Variants in C5orf15 observed in about 807,000 individuals in gnomAD.
C5orf15 encodes the protein keratinocyte-associated transmembrane protein 2.
In C5orf15, 10 loss-of-function variants were observed where a neutral mutation model predicts 17.8. That is an observed-to-expected ratio of 0.56 (90% CI 0.35 to 0.95). The LOEUF is 0.95. C5orf15 is among the 40% of genes least tolerant of loss of function. The pLI is 0.02. For synonymous variants in C5orf15, 124 were observed against 131.0 expected (o/e 0.95, Z 0.36); for missense variants, 319 against 331.7 (o/e 0.96, Z 0.30).
chr5:133,957,383 G>A (rs1389497101), intron 2 of C5orf15, among the ~76,000 whole-genome samples: 1 of 150,464 alleles, frequency 6.6e-6, no homozygotes, highest in East Asian at 1.9e-4. Flanking sequence ...AAAAACAAAA[G>A]CTATTTTGCT....
intron 1 of C5orf15, among the ~76,000 whole-genome samples, chr5:133,965,335 C>T (rs1230548800): frequency 6.6e-6 from 1 of 152,132 alleles, no homozygotes; most frequent in African/African-American, 2.4e-5. Flanking sequence ...ATACCTAGCA[C>T]CAAGTAGGAG....
intron 1 of C5orf15, among the ~76,000 whole-genome samples, chr5:133,966,777 C>A (rs138693591): frequency 2.6e-5 from 4 of 152,316 alleles, no homozygotes; most frequent in African/African-American, 9.6e-5. Context: ...TGCAGTGGAG[C>A]TGCTCGCCTA....
chr5:133,956,888 A>G lies in C5orf15; in HGVS notation c.769T>C (p.Leu257=). ...DQNVNEAMPS[L]KITNDYIF ...AAAATATAATCATTGGTAATCTTCA[A>G]AGAAGGCATTGCCTCATTAACATTC... The change falls in exon 3 of 3, where the codon TTG becomes CTG. Residue 257 remains leucine, a synonymous_variant. Coordinates refer to ENST00000231512, the MANE Select transcript of C5orf15 (RefSeq NM_020199.3). 2 of 1,599,642 alleles carry G rather than the reference A, an allele frequency of 1.3e-6. No homozygotes were observed. The highest frequency in any genetic ancestry group is 1.7e-6 in the Non-Finnish European group (2 of 1,175,140).
chr5:133,959,547 T>A lies in C5orf15; in HGVS notation c.613A>T (p.Ile205Phe). 1 of 1,597,862 alleles carries A rather than the reference T, an allele frequency of 6.3e-7. No homozygotes were observed. Among genetic ancestry groups the A allele is most frequent in the Non-Finnish European group, 8.5e-7 (1 of 1,174,226 alleles). Residue 205 changes from isoleucine to phenylalanine, a missense_variant, in exon 2 of 3, where the codon ATT becomes TTT. This residue lies in a region of C5orf15 where 175 missense variants were observed against 192.4 expected (regional missense o/e 0.91). Coordinates refer to ENST00000231512, the MANE Select transcript of C5orf15 (RefSeq NM_020199.3). ...ACAACAGCAATGCAAAAAGCAAAAA[T>A]AATAAGATGAAAAAAGAAATGGCTG... ...EDSHFFFHLI[I>F]FAFCIAVVYI...
At position 133,968,554 on chromosome 5, in the gene C5orf15, C is replaced by G. The variant is rs1752230938; in HGVS notation, c.31G>C (p.Gly11Arg). ...GGCAGCAGTTTCGCTTGTGCTGGCC[C>G]CCTCATCCTCTTCGGGACGGCAGCG... MAAAVPKRMRGPAQAKLLPGS... is the reference protein window; with the variant it reads MAAAVPKRMRRPAQAKLLPGS... The change falls in exon 1 of 3, where the codon GGG (glycine) becomes CGG (arginine). Residue 11 changes from glycine to arginine, a missense_variant. Transcript: ENST00000231512. The G allele has an allele frequency of 6.2e-7, 1 of 1,610,136 alleles. No individual in the cohort carries two copies. The highest frequency in any genetic ancestry group is 8.5e-7 in the Non-Finnish European group (1 of 1,178,796).
intron 1 of C5orf15, among the ~76,000 whole-genome samples, chr5:133,966,105 A>C (rs1045351445): frequency 6.6e-6 from 1 of 151,974 alleles, no homozygotes; most frequent in African/African-American, 2.4e-5. Context: ...CTGTAGTCCC[A>C]GCATACTCGG....
chr5:133,964,127 G>C (rs1222131524), intron 1 of C5orf15, among the ~76,000 whole-genome samples: 1 of 152,200 alleles, frequency 6.6e-6, no homozygotes, highest in African/African-American at 2.4e-5. Flanking sequence ...TGAGACAGGA[G>C]AACTGCTTGA....
chr5:133,957,355 C>T (rs1343009379), intron 2 of C5orf15, among the ~76,000 whole-genome samples: 2 of 150,362 alleles, frequency 1.3e-5, no homozygotes, highest in African/African-American at 2.4e-5. Flanking sequence ...AAAGCAAGAC[C>T]CTGTCTCAAA....
rs1411812517 is a variant in C5orf15 at position 133,959,640 on chromosome 5, C to T, written c.520G>A (p.Gly174Ser). ...ESDDTLEENR[G>S]YMEIEQSVKS... ...ACTGACTGTTCAATTTCCATGTAACCCCTGTTTTCTTCCAAGGTGTCATCA... is the reference window on the plus strand; with the variant it reads ...ACTGACTGTTCAATTTCCATGTAACTCCTGTTTTCTTCCAAGGTGTCATCA... Residue 174 changes from glycine to serine, a missense_variant, in exon 2 of 3, where the codon GGT (glycine) becomes AGT (serine). Physicochemically the swap from Gly to Ser is moderately conservative, Grantham distance 56 (BLOSUM62 0). Coordinates refer to ENST00000231512, the MANE Select transcript of C5orf15 (RefSeq NM_020199.3). The T allele has an allele frequency of 6.2e-7, 1 of 1,613,174 alleles. No homozygotes were observed. The highest frequency in any genetic ancestry group is 2.2e-5 in the East Asian group (1 of 44,836).
rs10422 is a variant in C5orf15, at chr5:133,955,951, T to C, written c.*908A>G. 10,651 of 152,324 alleles carry C rather than the reference T, an allele frequency of 0.07. 422 individuals are homozygous for C. Among genetic ancestry groups the C allele is most frequent in the South Asian group, 0.13 (646 of 4,832 alleles). 9.4% of individuals were successfully genotyped at this position (152,324 alleles called of 1,614,324 possible). ...ATTGTACACAAATATCCTTTATGTA[T>C]ACAAACAACTTCATTCAGGTATAAT... On this transcript the variant is annotated 3_prime_UTR_variant, in exon 3 of 3. Coordinates refer to ENST00000231512, the MANE Select transcript of C5orf15 (RefSeq NM_020199.3).
At position 133,968,576 on chromosome 5, in the gene C5orf15, A is replaced by G. The variant is rs1377659515; in HGVS notation, c.9T>C (p.Ala3=). 2.5e-6 allele frequency: 4 copies of G among 1,609,140 alleles called. No homozygotes were observed. In the Admixed American group the frequency reaches 6.7e-5, roughly 27 times the overall value. Residue 3 remains alanine, a synonymous_variant, in exon 1 of 3, where the codon GCT becomes GCC. Coordinates refer to ENST00000231512, the MANE Select transcript of C5orf15 (RefSeq NM_020199.3). MA[A]AVPKRMRGPA... ...GCCCCCTCATCCTCTTCGGGACGGC[A>G]GCGGCCATAACGGACTCGGCTGGGA...
chr5:133,965,619 C>A (rs1200659470), intron 1 of C5orf15, among the ~76,000 whole-genome samples: 1 of 152,168 alleles, frequency 6.6e-6, no homozygotes, highest in Non-Finnish European at 1.5e-5. Context: ...CTACTTGAAG[C>A]TTAACATTTT....
chr5:133,965,574 T>G (rs1026673722), intron 1 of C5orf15, among the ~76,000 whole-genome samples: 1 of 152,178 alleles, frequency 6.6e-6, no homozygotes, highest in Admixed American at 6.5e-5. Flanking sequence ...AAATAAGACT[T>G]CTAAATCTTC....
In C5orf15 at chr5:133,965,995, C is replaced by G. The variant is rs1279068513; in HGVS notation, c.139+2451G>C. 1.1e-4 allele frequency among the ~76,000 whole-genome samples: 16 copies of G among 152,066 alleles called. No individual in the cohort carries two copies. The East Asian group carries it at 2.9e-3, about 28-fold the overall frequency. ...ATCCCAGCACTTTGGGAGGCCAAGG[C>G]GGGCGGATCACGAGGTCAGGAGATT... On this transcript the variant is annotated intron_variant, in intron 1 of 2. Coordinates refer to ENST00000231512, the MANE Select transcript of C5orf15 (RefSeq NM_020199.3).
At chr5:133,965,347 A>G (rs1288653189) in intron 1 of C5orf15, among the ~76,000 whole-genome samples, 1 of 152,226 alleles carries the variant, frequency 6.6e-6, no homozygotes, top group Non-Finnish European at 1.5e-5. Context: ...AAGTAGGAGC[A>G]GAATGTCTTA....
chr5:133,967,242 C>T (rs1005532689), intron 1 of C5orf15, among the ~76,000 whole-genome samples: 2 of 152,186 alleles, frequency 1.3e-5, no homozygotes, highest in South Asian at 2.1e-4. Context: ...AAATGGACAG[C>T]AGTCCTTCCT....
chr5:133,958,535 C>A (rs1752069519), intron 2 of C5orf15, among the ~76,000 whole-genome samples: 1 of 143,610 alleles, frequency 7.0e-6, no homozygotes, highest in Non-Finnish European at 1.5e-5. Context: ...CGAGATCGCA[C>A]CACTGCTCTC....
At chr5:133,965,528 T>C (rs535290772) in intron 1 of C5orf15, among the ~76,000 whole-genome samples, 46 of 152,266 alleles carry the variant, frequency 3.0e-4, no homozygotes, top group Non-Finnish European at 5.0e-4. Flanking sequence ...CAACTCTGAC[T>C]TTACGGATTT....
rs1752044307 is a variant in C5orf15, at chr5:133,956,474, A to AT, written c.*384dup. On this transcript the variant is annotated 3_prime_UTR_variant, in exon 3 of 3. Coordinates refer to ENST00000231512, the MANE Select transcript of C5orf15 (RefSeq NM_020199.3). Reference sequence around the variant, plus strand: ...AGTTTGGGAACAAAAAAAAATGTGGATAAAAAATAGTATTTGAATGGCGGA... The same window carrying AT: ...AGTTTGGGAACAAAAAAAAATGTGGATTAAAAAATAGTATTTGAATGGCGGA... The AT allele has an allele frequency of 6.4e-6, 1 of 156,330 alleles. No homozygotes were observed. Among genetic ancestry groups the AT allele is most frequent in the African/African-American group, 2.4e-5 (1 of 41,486 alleles). 9.7% of individuals were successfully genotyped at this position (156,330 alleles called of 1,614,324 possible).
Sources: gnomAD v4.1 joint callset for allele counts (sites outside exome capture counted in the v4.1 genomes callset) on GRCh38, gnomAD v4.1.1 for gene constraint, gnomAD v4.1.1 regional missense constraint, MANE v1.5 for transcripts, NCBI Gene and HGNC (gene_info 2026-07-23, HGNC 2026-07-21) for gene names.